Variants in ASPG observed in about 807,000 individuals in gnomAD.
ASPG encodes the protein 60 kDa lysophospholipase.
In ASPG, 53 loss-of-function variants were observed where a neutral mutation model predicts 63.2. The observed-to-expected ratio is 0.84, with a 90% CI of 0.67 to 1.05. ASPG has a LOEUF of 1.05. Among genes scored for constraint, ASPG ranks in the 50% least tolerant of loss-of-function variants. The pLI is 0.00. For synonymous variants in ASPG, 370 were observed against 355.0 expected, an observed-to-expected ratio of 1.04 and a Z score of -0.48; for missense variants, 741 against 794.4, an observed-to-expected ratio of 0.93 and a Z score of 0.81.
chr14:104,096,590 G>A (rs535134252), intron 4 of ASPG, among the ~76,000 whole-genome samples: 1 of 152,146 alleles, frequency 6.6e-6, no homozygotes, highest in African/African-American at 2.4e-5. Flanking sequence ...AGACCTTCCC[G>A]AGCCCTGGGG....
Position 104,110,132 on chromosome 14 carries a change from C to T in ASPG, c.1520+817C>T, listed in dbSNP as rs2037325380. 10 of 985,262 alleles carry T rather than the reference C, an allele frequency of 1.0e-5. No individual in the cohort carries two copies. The highest frequency in any genetic ancestry group is 4.7e-5 in the South Asian group (1 of 21,276). The allele number at this position is 985,262 out of a possible 1,614,324, so 61.0% of individuals were successfully genotyped here. ...CTCCGAGGGACCCAAAAAGGAGAGT[C>T]GGAGGCAGGAGACCTGGGCCGGGTG... On this transcript the variant is annotated intron_variant, in intron 13 of 15. Coordinates refer to ENST00000551177, the MANE Select transcript of ASPG (RefSeq NM_001080464.3). This position sits in a 1 kb window ranked among gnomAD's most constrained non-coding sequence, Gnocchi z 4.7.
intron 6 of ASPG, 87 bp downstream of exon 6, chr14:104,099,066 G>C (rs977919680): frequency 2.0e-6 from 3 of 1,500,164 alleles, no homozygotes; most frequent in African/African-American, 1.4e-5. Flanking sequence ...GCTGGGACTC[G>C]GCAGAGTTTG....
rs544432759 is a variant in ASPG, at chr14:104,089,241, G to T, written c.82+3389G>T. Among the ~76,000 whole-genome samples, 73 of 152,258 alleles carry T rather than the reference G, an allele frequency of 4.8e-4. 1 individual carries two copies. The Middle Eastern group carries it at 0.01, about 21-fold the overall frequency. ...GAAATTGCCCCAGCTGACTGGGCGCGGTGGCTCACACCTGTAATCCCAGCA... is the reference window on the plus strand; with the variant it reads ...GAAATTGCCCCAGCTGACTGGGCGCTGTGGCTCACACCTGTAATCCCAGCA... On this transcript the variant is annotated intron_variant, in intron 1 of 15. Transcript: ENST00000551177.
rs8021556 is a variant in ASPG at position 104,110,025 on chromosome 14, G to A, written c.1520+710G>A. 2.8e-5 allele frequency: 28 copies of A among 985,270 alleles called. No individual in the cohort carries two copies. In the African/African-American group the frequency reaches 3.5e-4, roughly 12 times the overall value. The allele number at this position is 985,270 out of a possible 1,614,324, so 61.0% of individuals were successfully genotyped here. ...TCCTCTGTCCGCCACAGCCAGAATCGCTGCCCCCCACCCCATGCCTTGTGC... is the reference window on the plus strand; with the variant it reads ...TCCTCTGTCCGCCACAGCCAGAATCACTGCCCCCCACCCCATGCCTTGTGC... On this transcript the variant is annotated intron_variant, in intron 13 of 15. Transcript: ENST00000551177. This position sits in a 1 kb window ranked among gnomAD's most constrained non-coding sequence, Gnocchi z 4.7.
Position 104,109,255 on chromosome 14 carries a change from G to C in ASPG, c.1460G>C (p.Arg487Pro), listed in dbSNP as rs754900942. 1.2e-6 allele frequency: 2 copies of C among 1,613,276 alleles called. No individual in the cohort carries two copies. The highest frequency in any genetic ancestry group is 3.3e-5 in the Admixed American group (2 of 59,984). Residue 487 changes from arginine (R) to proline (P), a missense_variant, in exon 13 of 16, where the codon CGG becomes CCG. Coordinates refer to ENST00000551177, the MANE Select transcript of ASPG (RefSeq NM_001080464.3). This position sits in a 1 kb window ranked among gnomAD's most constrained non-coding sequence, Gnocchi z 4.8. ...GRHPGVIGLL[R>P]EAGASLSTQE... is the part of the protein sequence containing the mutation. ...CATCCGGGTGTCATTGGGTTGCTGC[G>C]GGAAGCCGGGGCCTCCCTGTCCACC...
At chr14:104,089,846 G>A (rs947344087) in intron 1 of ASPG, among the ~76,000 whole-genome samples, 1 of 150,144 alleles carries the variant, frequency 6.7e-6, no homozygotes, top group African/African-American at 2.5e-5. Context: ...TACTCGGGAG[G>A]CTAAGGCAGG....
chr14:104,092,993 G>A (rs1030859466), intron 2 of ASPG: 2 of 548,414 alleles, frequency 3.6e-6, no homozygotes. Flanking sequence ...AGGCTGCTTC[G>A]GCAAGTGTGA....
At chr14:104,108,645 C>T (rs2037251288) in intron 12 of ASPG, 1 of 985,450 alleles carries the variant, frequency 1.0e-6, no homozygotes, top group Non-Finnish European at 1.2e-6. Context: ...TGGCCTCCGG[C>T]CTCGGGCCTT....
At chr14:104,089,194 G>T (rs1292008191) in intron 1 of ASPG, among the ~76,000 whole-genome samples, 2 of 151,990 alleles carry the variant, frequency 1.3e-5, no homozygotes, top group Non-Finnish European at 2.9e-5. Flanking sequence ...CTGAAAGCTG[G>T]TGTTTATTTA....
In ASPG at chr14:104,110,372, TC is replaced by T; in HGVS notation, c.1520+1059del. The T allele has an allele frequency of 1.0e-6, 1 of 985,322 alleles. No individual in the cohort carries two copies. The highest frequency in any genetic ancestry group is 1.2e-6 in the Non-Finnish European group (1 of 829,894). The allele number at this position is 985,322 out of a possible 1,614,324, so 61.0% of individuals were successfully genotyped here. A position where few individuals can be genotyped will look rare whatever the true frequency, so the allele number is the denominator to read the frequency against. On this transcript the variant is annotated intron_variant, in intron 13 of 15. Transcript: ENST00000551177. The surrounding 1 kb of genome is among the most constrained non-coding windows in gnomAD (Gnocchi z 4.7). Reference sequence around the variant, plus strand: ...CCCTGGTCTTGCTTTTGAAGGGACTTCCGGGGTGACTTGGTCAAGATTTGCA... The same window carrying T: ...CCCTGGTCTTGCTTTTGAAGGGACTTCGGGGTGACTTGGTCAAGATTTGCA...
intron 10 of ASPG, 138 bp from the exon 11 acceptor site, chr14:104,106,661 G>A: frequency 1.3e-6 from 1 of 763,418 alleles, no homozygotes; most frequent in East Asian, 2.7e-5. Context: ...TGGCAGCTCA[G>A]GTTCCTTCTC....
chr14:104,096,750 G>A (rs1392062060), intron 4 of ASPG, among the ~76,000 whole-genome samples: 1 of 152,194 alleles, frequency 6.6e-6, no homozygotes, highest in Non-Finnish European at 1.5e-5. Context: ...TGGGGAAACT[G>A]AGGCTTACAG....
intron 6 of ASPG, among the ~76,000 whole-genome samples, chr14:104,101,546 G>A (rs539105137): frequency 8.5e-4 from 129 of 152,196 alleles, no homozygotes; most frequent in African/African-American, 2.9e-3. Context: ...AGACCACACT[G>A]TCACCCCCAG....
chr14:104,105,536 C>T lies in ASPG; in HGVS notation c.1173+86C>T, dbSNP rs574926517. 1.2e-4 allele frequency: 173 copies of T among 1,449,806 alleles called. No individual in the cohort carries two copies. The South Asian group carries it at 2.2e-3, about 18-fold the overall frequency. The allele number at this position is 1,449,806 out of a possible 1,614,324, so 89.8% of individuals were successfully genotyped here. A position where few individuals can be genotyped will look rare whatever the true frequency, so the allele number is the denominator to read the frequency against. On this transcript the variant is annotated intron_variant, in intron 10 of 15. Coordinates refer to ENST00000551177, the MANE Select transcript of ASPG (RefSeq NM_001080464.3). ...CTGGGATGCACCAGGCAGGCACGAG[C>T]CCCTGTAGCCATCACTCGAGCCCAA...
chr14:104,089,703 C>T (rs1039539666), intron 1 of ASPG, among the ~76,000 whole-genome samples: 13 of 152,140 alleles, frequency 8.5e-5, no homozygotes, highest in African/African-American at 3.1e-4. Flanking sequence ...GACATGGTGG[C>T]TCAGGCCTGT....
chr14:104,101,323 C>T (rs531449927), intron 6 of ASPG, among the ~76,000 whole-genome samples: 21 of 152,338 alleles, frequency 1.4e-4, no homozygotes, highest in South Asian at 4.1e-4. Context: ...GTAGCAATGC[C>T]GGCCTGGGCC....
chr14:104,103,783 G>C, intron 7 of ASPG, 108 bp downstream of exon 7: 2 of 866,094 alleles, frequency 2.3e-6, no homozygotes, highest in South Asian at 3.4e-5. Context: ...TGCAGACCCC[G>C]CGTGGACCTG....
In ASPG at chr14:104,105,989, C is replaced by T. The variant is rs146608887; in HGVS notation, c.1173+539C>T. ...CAAACATCCAGGCCTGACATGGGGC[C>T]TGGCAGGCCAGACAGCCTTGCTCCC... On this transcript the variant is annotated intron_variant, in intron 10 of 15. Transcript: ENST00000551177. Among the ~76,000 whole-genome samples, 831 of 152,380 alleles carry T rather than the reference C, an allele frequency of 5.5e-3. 4 individuals carry two copies. Among genetic ancestry groups the T allele is most frequent in the Non-Finnish European group, 8.9e-3 (606 of 68,032 alleles).
At chr14:104,102,125 C>A (rs2036904365) in intron 6 of ASPG, among the ~76,000 whole-genome samples, 1 of 152,002 alleles carries the variant, frequency 6.6e-6, no homozygotes, top group South Asian at 2.1e-4. Flanking sequence ...GGCAGCGGTG[C>A]CCCCTCCTTT....
Sources: allele counts gnomAD v4.1 joint callset (sites outside exome capture counted in the v4.1 genomes callset), GRCh38; gene constraint gnomAD v4.1.1; non-coding constraint Gnocchi (gnomAD v3.1); transcripts MANE v1.5; gene names NCBI Gene and HGNC (gene_info 2026-07-23, HGNC 2026-07-21).